The following CCDC149 variants were observed in gnomAD, a reference collection of about 807,000 sequenced individuals.
The protein encoded by CCDC149 is coiled-coil domain containing 149.
CCDC149 carries 45 observed loss-of-function variants against 59.9 expected under a neutral mutation model. That is an observed-to-expected ratio of 0.75 (90% CI 0.59 to 0.96). The LOEUF is 0.96. Ranked by LOEUF, CCDC149 falls within the 40% of genes least tolerant of loss-of-function variation. The pLI is 0.00. For missense variants in CCDC149, 584 were observed against 664.7 expected (o/e 0.88, Z 1.33); for synonymous variants, 245 against 260.6 (o/e 0.94, Z 0.58).
At chr4:24,929,725 C>A (rs922511110) in intron 1 of CCDC149, among the ~76,000 whole-genome samples, 1 of 152,220 alleles carries the variant, frequency 6.6e-6, no homozygotes, top group African/African-American at 2.4e-5. Flanking sequence ...CACCCACTCA[C>A]ATCGCAGAAT....
intron 12 of CCDC149, among the ~76,000 whole-genome samples, chr4:24,818,808 G>A (rs1715182374): frequency 6.6e-6 from 1 of 152,196 alleles, no homozygotes; most frequent in Non-Finnish European, 1.5e-5. Context: ...CCTTGCTGTA[G>A]AAGTCACATA....
intron 1 of CCDC149, among the ~76,000 whole-genome samples, chr4:24,956,651 G>A (rs539052571): frequency 2.6e-4 from 39 of 152,260 alleles, no homozygotes; most frequent in African/African-American, 6.5e-4. Context: ...TAAACCCTAC[G>A]AAGGATCAGG....
chr4:24,932,586 C>T (rs186144580), intron 1 of CCDC149, among the ~76,000 whole-genome samples: 96 of 152,340 alleles, frequency 6.3e-4, no homozygotes, highest in Non-Finnish European at 1.0e-3. Flanking sequence ...AGTCCTCAAA[C>T]TCTGTAAATA....
upstream of CCDC149, among the ~76,000 whole-genome samples, chr4:24,913,422 A>G (rs979463957): frequency 6.6e-6 from 1 of 152,214 alleles, no homozygotes; most frequent in Non-Finnish European, 1.5e-5. Context: ...CTCTACATAT[A>G]TTTATTGGAC....
chr4:24,874,251 TTTTTTTTTGTTTTG>T (rs1389590479), intron 2 of CCDC149, among the ~76,000 whole-genome samples: 1 of 71,916 alleles, frequency 1.4e-5, no homozygotes, highest in African/African-American at 7.6e-5. Context: ...TTTGTTTTTT[TTTTTTTTTGTTTTG>T]TTTTTTTTTG....
At chr4:24,834,280 C>A (rs1268930684) in intron 8 of CCDC149, among the ~76,000 whole-genome samples, 1 of 152,110 alleles carries the variant, frequency 6.6e-6, no homozygotes, top group Non-Finnish European at 1.5e-5. Flanking sequence ...GCATATTCGA[C>A]TCGAGACTTA....
intron 1 of CCDC149, among the ~76,000 whole-genome samples, chr4:24,903,542 T>G (rs1460770748): frequency 1.8e-4 from 27 of 152,204 alleles, no homozygotes. Flanking sequence ...GCTAACTGTT[T>G]TGAATAACCA....
rs945672880 is a variant in CCDC149 at position 24,912,680 on chromosome 4, C to T, written c.63+137G>A. The T allele has an allele frequency of 7.5e-5, 34 of 450,536 alleles. 1 individual carries two copies. Among genetic ancestry groups the T allele is most frequent in the Non-Finnish European group, 9.7e-5 (30 of 308,928 alleles). 27.9% of individuals were successfully genotyped at this position (450,536 alleles called of 1,614,324 possible). A position where few individuals can be genotyped will look rare whatever the true frequency, so the allele number is the denominator to read the frequency against. On this transcript the variant is annotated intron_variant, in intron 1 of 12. Coordinates refer to ENST00000635206, the MANE Select transcript of CCDC149 (RefSeq NM_001330643.2). ...GAGCGGCGCACCTGGCGGGGTCGCG[C>T]GGGTGCGGCAGCCGCGGCCACTTGG...
chr4:24,842,868 T>C (rs1577401794), intron 4 of CCDC149, among the ~76,000 whole-genome samples: 1 of 152,346 alleles, frequency 6.6e-6, no homozygotes, highest in Admixed American at 6.5e-5. Flanking sequence ...TTTACCTGAA[T>C]CTGTTTTACC....
At chr4:24,905,220 G>A (rs1415550213) in intron 1 of CCDC149, among the ~76,000 whole-genome samples, 1 of 151,636 alleles carries the variant, frequency 6.6e-6, no homozygotes, top group East Asian at 1.9e-4. Context: ...TGAGTAGTGA[G>A]AGTTCCTTTT....
At chr4:24,899,261 G>A (rs1410953494) in intron 1 of CCDC149, among the ~76,000 whole-genome samples, 3 of 152,182 alleles carry the variant, frequency 2.0e-5, no homozygotes, top group Admixed American at 2.0e-4. Flanking sequence ...GTTGGGAGGT[G>A]TAAGTTGGGA....
intron 1 of CCDC149, among the ~76,000 whole-genome samples, chr4:24,960,880 A>T (rs1723616932): frequency 2.6e-5 from 4 of 152,240 alleles, no homozygotes; most frequent in African/African-American, 9.6e-5. Context: ...ATAGGTTTGA[A>T]CAGCAGTAAA....
At chr4:24,839,075 G>A (rs967602387) in intron 4 of CCDC149, among the ~76,000 whole-genome samples, 1 of 141,694 alleles carries the variant, frequency 7.1e-6, no homozygotes, top group Non-Finnish European at 1.6e-5. Context: ...GAGAGAGAGA[G>A]AAAGAGAGAG....
At chr4:24,809,913 TCTGG>T (rs1420292376) in intron 12 of CCDC149, among the ~76,000 whole-genome samples, 1 of 152,252 alleles carries the variant, frequency 6.6e-6, no homozygotes, top group African/African-American at 2.4e-5. Flanking sequence ...TTGAGCATCA[TCTGG>T]CCATGCCATT....
rs763220485 is a variant in CCDC149, at chr4:24,853,162, T to C, written c.282A>G (p.Leu94=). 3 of 1,610,924 alleles carry C rather than the reference T, an allele frequency of 1.9e-6. No individual in the cohort carries two copies. The African/African-American group carries it at 4.0e-5, about 22-fold the overall frequency. ...TATTTCGGTCCTGAGAATCTCTCAA[T>C]AGTTGTGCAAGATTAGCCTAGAAAT... The change falls in exon 4 of 13, where the codon CTA becomes CTG. Residue 94 remains leucine, a synonymous_variant. Transcript: ENST00000635206.
At chr4:24,948,775 C>G (rs1342408110) in intron 1 of CCDC149, among the ~76,000 whole-genome samples, 1 of 152,096 alleles carries the variant, frequency 6.6e-6, no homozygotes, top group African/African-American at 2.4e-5. Context: ...ATAATTCCCA[C>G]ATATTATGGG....
intron 12 of CCDC149, among the ~76,000 whole-genome samples, chr4:24,811,644 G>A (rs13115958): frequency 0.17 from 25,263 of 152,064 alleles, 2,190 homozygotes; most frequent in Admixed American, 0.19. Context: ...AAGCTGAGGC[G>A]GGCGGATCAC....
intron 1 of CCDC149, 79 bp from the exon 2 acceptor site, chr4:24,876,776 C>A: frequency 7.2e-7 from 1 of 1,393,324 alleles, no homozygotes; most frequent in Non-Finnish European, 9.6e-7. Context: ...CTTCACACAC[C>A]CTGTGGGGAA....
rs1436437709 is a variant in CCDC149, at chr4:24,814,207, C to A, written c.1193-5388G>T. On this transcript the variant is annotated intron_variant, in intron 12 of 12. Transcript: ENST00000635206. ...CTGGCCTCAGTAAGCATTGTATCTGCAAAGGAGACCATTACTTGTGCTCAC... is the reference window on the plus strand; with the variant it reads ...CTGGCCTCAGTAAGCATTGTATCTGAAAAGGAGACCATTACTTGTGCTCAC... 2.6e-5 allele frequency among the ~76,000 whole-genome samples: 4 copies of A among 152,248 alleles called. No homozygotes were observed. The East Asian group carries it at 7.7e-4, about 29-fold the overall frequency.
Sources: allele counts gnomAD v4.1 joint callset (sites outside exome capture counted in the v4.1 genomes callset), GRCh38; gene constraint gnomAD v4.1.1; transcripts MANE v1.5; gene names NCBI Gene and HGNC (gene_info 2026-07-23, HGNC 2026-07-21).